RFX3: variants seen among roughly 807,000 people sequenced by gnomAD.
The protein encoded by RFX3 is regulatory factor X3.
A neutral mutation model predicts 98.6 loss-of-function variants in RFX3; 14 were observed. That is an observed-to-expected ratio of 0.14 (90% CI 0.09 to 0.22). The LOEUF is 0.22. RFX3 is among the 10% of genes least tolerant of loss of function. RFX3 has a pLI of 1.00. For missense variants in RFX3, 639 were observed against 926.9 expected (o/e 0.69, Z 4.03); for synonymous variants, 383 against 328.4 (o/e 1.17, Z -1.80).
intron 2 of RFX3, chr9:3,394,942 G>A (rs947358166): frequency 2.1e-5 from 10 of 480,068 alleles, no homozygotes; most frequent in Non-Finnish European, 2.4e-5. Context: ...TTTTTAAATA[G>A]CTTGAGTCAG....
At chr9:3,504,932 TATA>T (rs1413313948) in intron 1 of RFX3, among the ~76,000 whole-genome samples, 686 of 64,520 alleles carry the variant, frequency 0.011, 12 homozygotes, top group Non-Finnish European at 0.013. Context: ...ATATATTATA[TATA>T]ATATATATAA....
intron 4 of RFX3, among the ~76,000 whole-genome samples, chr9:3,325,087 G>A (rs1338947576): frequency 6.6e-6 from 1 of 152,144 alleles, no homozygotes; most frequent in Non-Finnish European, 1.5e-5. Context: ...TCTTTTGAAT[G>A]TGCAACTTAA....
rs535119151 is a variant in RFX3 at position 3,442,156 on chromosome 9, C to T, written c.-8-46560G>A. On this transcript the variant is annotated intron_variant, in intron 1 of 16. Transcript: ENST00000617270. ...CAGAGGTTGCAATGAGCTGAGATCA[C>T]ACCATTGCACTCCAGCCTGGGCAAC... 3.9e-5 allele frequency among the ~76,000 whole-genome samples: 6 copies of T among 152,166 alleles called. No homozygotes were observed. The South Asian group carries it at 1.2e-3, about 32-fold the overall frequency.
At chr9:3,324,540 G>A (rs1831676758) in intron 4 of RFX3, among the ~76,000 whole-genome samples, 1 of 144,862 alleles carries the variant, frequency 6.9e-6, no homozygotes, top group Admixed American at 6.9e-5. Context: ...AAGACATATT[G>A]TTAGGTGAAA....
chr9:3,301,763 C>A, intron 4 of RFX3, 143 bp from the exon 5 acceptor site: 1 of 524,720 alleles, frequency 1.9e-6, no homozygotes, highest in Non-Finnish European at 3.5e-6. Context: ...GTGTTTTCTC[C>A]CCTTCTTCCC....
At chr9:3,457,474 T>C (rs903886924) in intron 1 of RFX3, among the ~76,000 whole-genome samples, 1 of 152,194 alleles carries the variant, frequency 6.6e-6, no homozygotes, top group Non-Finnish European at 1.5e-5. Context: ...TCATTTTATT[T>C]TGATAGAGAA....
intron 1 of RFX3, among the ~76,000 whole-genome samples, chr9:3,398,487 T>C (rs1015444251): frequency 1.3e-5 from 2 of 152,212 alleles, no homozygotes; most frequent in African/African-American, 4.8e-5. Context: ...AACCAGACAT[T>C]AGATATCATC....
intron 3 of RFX3, 77 bp downstream of exon 3, chr9:3,346,590 A>T (rs1302902442): frequency 2.3e-6 from 2 of 869,036 alleles, no homozygotes; most frequent in Admixed American, 3.5e-5. Context: ...ACAATCTGGG[A>T]ATAGTGGGAG....
rs775798813 is a variant in RFX3 at position 3,270,512 on chromosome 9, T to C, written c.1216A>G (p.Ile406Val). The C allele has an allele frequency of 1.9e-6, 3 of 1,612,942 alleles. No homozygotes were observed. In the African/African-American group the frequency reaches 4.0e-5, roughly 22 times the overall value. Residue 406 changes from isoleucine to valine, a missense_variant, in exon 11 of 17, where the codon ATA becomes GTA. Transcript: ENST00000617270. ...TTTGCTTTCGGAAGTCGACTTTCTA[T>C]TTCACTCAGATTGCTGGTGTGAATA... is the stretch of plus-strand genomic sequence containing the variant. ...TITESSNLSE[I>V]ESRLPKAKLI...
At chr9:3,465,924 A>G (rs1848171295) in intron 1 of RFX3, among the ~76,000 whole-genome samples, 1 of 152,190 alleles carries the variant, frequency 6.6e-6, no homozygotes, top group Non-Finnish European at 1.5e-5. Flanking sequence ...AGGGCAAAGA[A>G]CAGGAGAATG....
chr9:3,492,872 T>C (rs554160872), intron 1 of RFX3, among the ~76,000 whole-genome samples: 1 of 152,322 alleles, frequency 6.6e-6, no homozygotes, highest in Middle Eastern at 3.4e-3. Flanking sequence ...TTTACTGATA[T>C]GCAACATTTA....
chr9:3,370,553 G>C (rs1048021394), intron 2 of RFX3, among the ~76,000 whole-genome samples: 2 of 151,848 alleles, frequency 1.3e-5, no homozygotes, highest in Admixed American at 1.3e-4. Flanking sequence ...TCGAGGGATG[G>C]GGAGGGTAGA....
intron 1 of RFX3, among the ~76,000 whole-genome samples, chr9:3,496,455 A>G (rs922807868): frequency 4.6e-5 from 7 of 151,946 alleles, no homozygotes; most frequent in African/African-American, 1.7e-4. Context: ...TTTGTTTCTG[A>G]TTGTCTACTG....
chr9:3,327,845 C>A (rs1455076315), intron 4 of RFX3, among the ~76,000 whole-genome samples: 1 of 151,718 alleles, frequency 6.6e-6, no homozygotes, highest in Non-Finnish European at 1.5e-5. Flanking sequence ...GGAATAATGC[C>A]ACCTTTCATA....
chr9:3,273,318 G>A (rs982815453), intron 9 of RFX3, among the ~76,000 whole-genome samples: 13 of 152,080 alleles, frequency 8.5e-5, no homozygotes, highest in Middle Eastern at 3.4e-3. Context: ...TAGGAACACT[G>A]GTAATTCTGA....
intron 4 of RFX3, among the ~76,000 whole-genome samples, chr9:3,305,379 T>C (rs1829162153): frequency 6.6e-6 from 1 of 151,988 alleles, no homozygotes; most frequent in Non-Finnish European, 1.5e-5. Context: ...TTGCTAGGTA[T>C]AATGGGGCCA....
rs558434557 is a variant in RFX3, at chr9:3,310,210, G to C, written c.475-8590C>G. Among the ~76,000 whole-genome samples, 19 of 152,228 alleles carry C rather than the reference G, an allele frequency of 1.2e-4. No homozygotes were observed. In the South Asian group the frequency reaches 3.7e-3, roughly 30 times the overall value. On this transcript the variant is annotated intron_variant, in intron 4 of 16. Transcript: ENST00000617270. ...AATGGGAAGAGGTGTTGAGTCTTTT[G>C]TATGATTTACATGGAACCAAAAGAG...
rs143297096 is a variant in RFX3 at position 3,376,594 on chromosome 9, G to T, written c.117+18878C>A. 6.9e-3 allele frequency among the ~76,000 whole-genome samples: 1,054 copies of T among 152,260 alleles called. 10 individuals are homozygous for T. The highest frequency in any genetic ancestry group is 0.015 in the Admixed American group (232 of 15,296). ...GTACAAAAGCCAAAATTGACAAATG[G>T]GATCTAACTGAACTAAAGAGCTTCT... On this transcript the variant is annotated intron_variant, in intron 2 of 16. Transcript: ENST00000617270.
intron 4 of RFX3, among the ~76,000 whole-genome samples, chr9:3,317,259 G>C (rs1173369998): frequency 6.6e-6 from 1 of 152,182 alleles, no homozygotes; most frequent in Non-Finnish European, 1.5e-5. Context: ...ACAAAAGCAA[G>C]AAATGGGGAA....
Sources: gnomAD v4.1 joint callset for allele counts (sites outside exome capture counted in the v4.1 genomes callset) on GRCh38, gnomAD v4.1.1 for gene constraint, MANE v1.5 for transcripts, NCBI Gene and HGNC (gene_info 2026-07-23, HGNC 2026-07-21) for gene names.